FCHSD2: variants seen among roughly 807,000 people sequenced by gnomAD.
FCHSD2 encodes the protein FCH and double SH3 domains 2.
Under a neutral mutation model 108.1 loss-of-function variants are expected in FCHSD2, and 38 were observed. The observed-to-expected ratio is 0.35, with a 90% CI of 0.27 to 0.46. FCHSD2 has a LOEUF of 0.46. Ranked by LOEUF, FCHSD2 falls within the 20% of genes least tolerant of loss-of-function variation. FCHSD2 has a pLI of 1.00. For missense variants in FCHSD2, 751 were observed against 897.8 expected (o/e 0.84, Z 2.09); for synonymous variants, 279 against 314.7 (o/e 0.89, Z 1.20).
intron 1 of FCHSD2, among the ~76,000 whole-genome samples, chr11:73,141,503 C>G (rs1246000483): frequency 2.0e-5 from 3 of 152,264 alleles, no homozygotes; most frequent in African/African-American, 7.2e-5. Context: ...ACGCACAAGG[C>G]TCTGCAAAGC....
At chr11:72,867,284 A>C (rs1854749238) in intron 13 of FCHSD2, among the ~76,000 whole-genome samples, 1 of 152,208 alleles carries the variant, frequency 6.6e-6, no homozygotes, top group Admixed American at 6.5e-5. Context: ...TGAAAAACTA[A>C]GGTTGAACCA....
chr11:72,864,070 T>C (rs1854661765), intron 13 of FCHSD2, among the ~76,000 whole-genome samples: 1 of 152,218 alleles, frequency 6.6e-6, no homozygotes, highest in Admixed American at 6.5e-5. Context: ...AGAATTTATT[T>C]ATATGCAACT....
At chr11:73,033,114 C>T (rs917307147) in intron 3 of FCHSD2, among the ~76,000 whole-genome samples, 1 of 151,846 alleles carries the variant, frequency 6.6e-6, no homozygotes, top group Non-Finnish European at 1.5e-5. Context: ...TGGTGAAACC[C>T]CGTCTCTACT....
intron 2 of FCHSD2, among the ~76,000 whole-genome samples, chr11:73,102,718 A>G (rs1246175874): frequency 6.6e-6 from 1 of 152,078 alleles, no homozygotes; most frequent in East Asian, 1.9e-4. Flanking sequence ...TTGCCCTTCT[A>G]CCTTTCTGCC....
At chr11:73,127,738 T>C (rs1860892285) in intron 2 of FCHSD2, among the ~76,000 whole-genome samples, 1 of 152,058 alleles carries the variant, frequency 6.6e-6, no homozygotes, top group Non-Finnish European at 1.5e-5. Context: ...ACTCTTTATA[T>C]GGCCTTCCCT....
At chr11:72,840,468 G>A (rs755534483) in intron 19 of FCHSD2, among the ~76,000 whole-genome samples, 2 of 152,122 alleles carry the variant, frequency 1.3e-5, no homozygotes, top group Admixed American at 6.6e-5. Context: ...ATATTCACCC[G>A]GAGAATAAAC....
chr11:72,954,371 G>A (rs184690454), intron 8 of FCHSD2, among the ~76,000 whole-genome samples: 97 of 151,826 alleles, frequency 6.4e-4, no homozygotes, highest in Admixed American at 2.6e-3. Context: ...ACCATGCCTG[G>A]CTAATTATTT....
chr11:73,128,928 G>C lies in FCHSD2; in HGVS notation c.119+11103C>G, dbSNP rs542101962. 9.9e-5 allele frequency among the ~76,000 whole-genome samples: 15 copies of C among 152,278 alleles called. No homozygotes were observed. In the East Asian group the frequency reaches 2.9e-3, roughly 29 times the overall value. On this transcript the variant is annotated intron_variant, in intron 2 of 19. Transcript: ENST00000409418. The stretch of plus-strand genomic sequence containing the variant: ...GCTCTGTTGCCCAGGCTGGAGTGTA[G>C]TGGTGTGATCTCAGCTCACTGCAAC...
At chr11:73,015,016 A>G (rs995030395) in intron 4 of FCHSD2, among the ~76,000 whole-genome samples, 9 of 151,994 alleles carry the variant, frequency 5.9e-5, no homozygotes, top group African/African-American at 1.4e-4. Flanking sequence ...GCTAATTTTT[A>G]TATTTTTAGT....
intron 8 of FCHSD2, among the ~76,000 whole-genome samples, chr11:72,941,638 T>A (rs1334991596): frequency 6.6e-6 from 1 of 152,144 alleles, no homozygotes; most frequent in Non-Finnish European, 1.5e-5. Context: ...AATTAAGATT[T>A]CTTTACCTTC....
At position 73,044,863 on chromosome 11, in the gene FCHSD2, G is replaced by A. The variant is rs189035949; in HGVS notation, c.166-28978C>T. 4.1e-3 allele frequency among the ~76,000 whole-genome samples: 621 copies of A among 152,268 alleles called. 2 individuals carry two copies. The highest frequency in any genetic ancestry group is 0.014 in the African/African-American group (589 of 41,560). ...AGGCAGGTGGATCACGAGGTCAGGA[G>A]ATCGAGACCATCCTGACTAACACAG... is the stretch of plus-strand genomic sequence containing the variant. On this transcript the variant is annotated intron_variant, in intron 3 of 19. Coordinates refer to ENST00000409418, the MANE Select transcript of FCHSD2 (RefSeq NM_014824.3).
chr11:73,015,905 TTTTC>T lies in FCHSD2; in HGVS notation c.166-24_166-21del. ...CATACCCTGTTAAAAAATACATATT[TTTTC>T]TAAAATAAATATTATGCCATAAAGG... On this transcript the variant is annotated intron_variant, in intron 3 of 19. Coordinates refer to ENST00000409418, the MANE Select transcript of FCHSD2 (RefSeq NM_014824.3). 1 of 1,401,760 alleles carries T rather than the reference TTTTC, an allele frequency of 7.1e-7. No individual in the cohort carries two copies. Among genetic ancestry groups the T allele is most frequent in the Non-Finnish European group, 9.9e-7 (1 of 1,008,612 alleles). 86.8% of individuals were successfully genotyped at this position (1,401,760 alleles called of 1,614,324 possible). A position where few individuals can be genotyped will look rare whatever the true frequency, so the allele number is the denominator to read the frequency against.
At chr11:73,035,443 A>G (rs190129213) in intron 3 of FCHSD2, among the ~76,000 whole-genome samples, 95 of 152,254 alleles carry the variant, frequency 6.2e-4, no homozygotes, top group Admixed American at 6.2e-3. Context: ...TGCTGGGATT[A>G]CAGGCATGAG....
intron 6 of FCHSD2, among the ~76,000 whole-genome samples, chr11:72,986,141 TA>T (rs549731920): frequency 6.6e-6 from 1 of 152,150 alleles, no homozygotes; most frequent in Non-Finnish European, 1.5e-5. Context: ...TCCCCATTGT[TA>T]AAAAAATTGG....
At chr11:72,978,269 C>T (rs959020901) in intron 8 of FCHSD2, among the ~76,000 whole-genome samples, 4 of 151,686 alleles carry the variant, frequency 2.6e-5, no homozygotes, top group Non-Finnish European at 4.4e-5. Context: ...TGTAACAAAC[C>T]TGCACATTGT....
At chr11:72,897,809 T>C (rs1855453022) in intron 10 of FCHSD2, among the ~76,000 whole-genome samples, 2 of 152,172 alleles carry the variant, frequency 1.3e-5, no homozygotes, top group Admixed American at 6.5e-5. Flanking sequence ...ATATTCTTAT[T>C]ATAGACAGGA....
intron 8 of FCHSD2, among the ~76,000 whole-genome samples, chr11:72,951,153 T>C (rs1013008428): frequency 3.3e-5 from 5 of 152,210 alleles, no homozygotes; most frequent in Non-Finnish European, 5.9e-5. Context: ...GCATTAGAAA[T>C]AATTAACACC....
chr11:72,909,054 T>G (rs1022682476), intron 9 of FCHSD2, among the ~76,000 whole-genome samples: 1 of 151,766 alleles, frequency 6.6e-6, no homozygotes, highest in East Asian at 1.9e-4. Context: ...TCCCTTCCCC[T>G]CCCCCCTCCA....
At position 72,843,466 on chromosome 11, in the gene FCHSD2, T is replaced by C. The variant is rs1861029178; in HGVS notation, c.1510A>G (p.Met504Val). The change falls in exon 15 of 20, where the codon ATG (methionine) becomes GTG (valine). Residue 504 changes from methionine (M) to valine (V), a missense_variant. By Grantham distance (21) the Met-to-Val change is conservative (BLOSUM62 1). Coordinates refer to ENST00000409418, the MANE Select transcript of FCHSD2 (RefSeq NM_014824.3). ...EVLEVIEDGD[M>V]EDWVKARNKV... The stretch of plus-strand genomic sequence containing the variant: ...GAATATACCTTTACCCAGTCTTCCA[T>C]ATCTCCATCTTCAATCACTTCTAAC... 6.2e-7 allele frequency: 1 copy of C among 1,613,304 alleles called. No homozygotes were observed. The highest frequency in any genetic ancestry group is 1.3e-5 in the African/African-American group (1 of 74,922).
Sources: gnomAD v4.1 joint callset for allele counts (sites outside exome capture counted in the v4.1 genomes callset) on GRCh38, gnomAD v4.1.1 for gene constraint, MANE v1.5 for transcripts, NCBI Gene and HGNC (gene_info 2026-07-23, HGNC 2026-07-21) for gene names.